Variants in SH3BGRL2 observed in about 807,000 individuals in gnomAD.
SH3BGRL2 encodes SH3 domain-binding glutamic acid-rich-like protein 2.
A neutral mutation model predicts 14.8 loss-of-function variants in SH3BGRL2; 21 were observed. That is an observed-to-expected ratio of 1.42 (90% confidence interval 1.01 to 2.05). The LOEUF (loss-of-function observed/expected upper bound fraction) is 2.05. SH3BGRL2 is among the 30% of genes most tolerant of loss of function. The pLI is 0.00. For missense variants in SH3BGRL2, 147 were observed against 130.8 expected (o/e 1.12, Z -0.61); for synonymous variants, 50 against 47.8 (o/e 1.05, Z -0.19).
At chr6:79,650,502 A>C (rs891315536) in intron 1 of SH3BGRL2, among the ~76,000 whole-genome samples, 2 of 152,216 alleles carry the variant, frequency 1.3e-5, no homozygotes, top group Non-Finnish European at 2.9e-5. Flanking sequence ...AGGTTGTACA[A>C]GAAACATGGC....
At position 79,631,522 on chromosome 6, in the gene SH3BGRL2, G is replaced by GCGGGCAGTAGGTTGGGGT; in HGVS notation, c.45+19_45+36dup. On this transcript the variant is annotated intron_variant, in intron 1 of 3. Coordinates refer to ENST00000369838, the MANE Select transcript of SH3BGRL2 (RefSeq NM_031469.4). Reference sequence around the variant, plus strand: ...CTTCGTGGCGGTGAGCGCGGTGGGGGCGGGCAGTAGGTTGGGGTCGCGGGG... The same window carrying GCGGGCAGTAGGTTGGGGT: ...CTTCGTGGCGGTGAGCGCGGTGGGGGCGGGCAGTAGGTTGGGGTCGGGCAGTAGGTTGGGGTCGCGGGG... 6.9e-7 allele frequency: 1 copy of GCGGGCAGTAGGTTGGGGT among 1,451,024 alleles called. No individual in the cohort carries two copies. The highest frequency in any genetic ancestry group is 9.1e-7 in the Non-Finnish European group (1 of 1,095,204). 89.9% of individuals were successfully genotyped at this position (1,451,024 alleles called of 1,614,324 possible).
rs1770422597 is a variant in SH3BGRL2 at position 79,700,025 on chromosome 6, A to G, written c.*516A>G. ...ATCAGTTACAAACATCACAGTTCCC[A>G]TGCTTTGTAATAACACCTGGTGAAA... On this transcript the variant is annotated 3_prime_UTR_variant, in exon 4 of 4. Transcript: ENST00000369838. 6.5e-6 allele frequency: 1 copy of G among 153,178 alleles called. No homozygotes were observed. The highest frequency in any genetic ancestry group is 2.4e-5 in the African/African-American group (1 of 41,488). The allele number at this position is 153,178 out of a possible 1,614,324, so 9.5% of individuals were successfully genotyped here.
chr6:79,620,375 T>C, the SH3BGRL2 span, among the ~76,000 whole-genome samples: 3 of 152,062 alleles, frequency 2.0e-5, no homozygotes, highest in Non-Finnish European at 2.9e-5. Flanking sequence ...AAGAAAATAG[T>C]GCAATGAGGT....
chr6:79,688,848 AT>A (rs1218155465), intron 2 of SH3BGRL2, among the ~76,000 whole-genome samples: 1 of 152,106 alleles, frequency 6.6e-6, no homozygotes, highest in Non-Finnish European at 1.5e-5. Context: ...TCTCTATCAT[AT>A]CTACTTTTTG....
chr6:79,597,630 C>T, the SH3BGRL2 span, among the ~76,000 whole-genome samples: 2 of 152,168 alleles, frequency 1.3e-5, no homozygotes, highest in Non-Finnish European at 2.9e-5. Context: ...CAAAATAAAT[C>T]TAACCTGAGA....
At chr6:79,547,035 A>G in the SH3BGRL2 span, among the ~76,000 whole-genome samples, 5 of 152,118 alleles carry the variant, frequency 3.3e-5, no homozygotes, top group Non-Finnish European at 7.4e-5. Flanking sequence ...CATTTGAGAC[A>G]GTTCTTGGGA....
At chr6:79,639,080 A>G (rs1768982853) in intron 1 of SH3BGRL2, among the ~76,000 whole-genome samples, 1 of 152,238 alleles carries the variant, frequency 6.6e-6, no homozygotes, top group Non-Finnish European at 1.5e-5. Context: ...TCAGCAGGCA[A>G]CAGGAAGCAG....
chr6:79,631,737 A>G (rs1215932324), intron 1 of SH3BGRL2, among the ~76,000 whole-genome samples: 14 of 152,222 alleles, frequency 9.2e-5, no homozygotes. Flanking sequence ...TGAAAGGCAG[A>G]CAACGCGGCC....
At chr6:79,548,542 T>G in the SH3BGRL2 span, among the ~76,000 whole-genome samples, 1 of 152,220 alleles carries the variant, frequency 6.6e-6, no homozygotes, top group Non-Finnish European at 1.5e-5. Context: ...CGCCAATTTG[T>G]TCAGAGCTGA....
chr6:79,699,745 C>A lies in SH3BGRL2; in HGVS notation c.*236C>A. 1 of 469,738 alleles carries A rather than the reference C, an allele frequency of 2.1e-6. No individual in the cohort carries two copies. Among genetic ancestry groups the A allele is most frequent in the Non-Finnish European group, 3.6e-6 (1 of 277,266 alleles). 29.1% of individuals were successfully genotyped at this position (469,738 alleles called of 1,614,324 possible). The stretch of plus-strand genomic sequence containing the variant: ...ATTCTATTTGCCTGCAGTTGCCTCA[C>A]TCACCTGGAAATACCGTCACCTGTT... On this transcript the variant is annotated 3_prime_UTR_variant, in exon 4 of 4. Transcript: ENST00000369838.
the SH3BGRL2 span, among the ~76,000 whole-genome samples, chr6:79,545,583 A>C: frequency 2.0e-5 from 3 of 152,346 alleles, no homozygotes; most frequent in African/African-American, 7.2e-5. Context: ...ACAGAAAAGA[A>C]ACTAAAAGAT....
intron 1 of SH3BGRL2, among the ~76,000 whole-genome samples, chr6:79,641,951 A>C (rs758228952): frequency 2.6e-5 from 4 of 152,184 alleles, no homozygotes; most frequent in Non-Finnish European, 5.9e-5. Flanking sequence ...TTCACCAAAC[A>C]TACCATTAGT....
the SH3BGRL2 span, among the ~76,000 whole-genome samples, chr6:79,549,769 A>G: frequency 6.6e-6 from 1 of 152,194 alleles, no homozygotes; most frequent in African/African-American, 2.4e-5. Context: ...GATACTGTCT[A>G]AAATTAGTAA....
At chr6:79,668,753 C>T (rs1769713204) in intron 1 of SH3BGRL2, among the ~76,000 whole-genome samples, 2 of 152,130 alleles carry the variant, frequency 1.3e-5, no homozygotes, top group African/African-American at 2.4e-5. Flanking sequence ...TTTTGTTATG[C>T]ACTTGCAACT....
At chr6:79,632,744 C>T (rs1280124801) in intron 1 of SH3BGRL2, among the ~76,000 whole-genome samples, 3 of 152,200 alleles carry the variant, frequency 2.0e-5, no homozygotes, top group Non-Finnish European at 4.4e-5. Context: ...CTGACAGTTT[C>T]TGGTGTTTCT....
chr6:79,544,207 GAAC>G, the SH3BGRL2 span, among the ~76,000 whole-genome samples: 19 of 152,050 alleles, frequency 1.2e-4, no homozygotes, highest in African/African-American at 3.4e-4. Context: ...AAACAAAACA[GAAC>G]AACAACAACA....
At chr6:79,549,981 A>G in the SH3BGRL2 span, among the ~76,000 whole-genome samples, 1 of 152,114 alleles carries the variant, frequency 6.6e-6, no homozygotes, top group Non-Finnish European at 1.5e-5. Flanking sequence ...TTTTAAATGC[A>G]CAGTAAAAGA....
the SH3BGRL2 span, among the ~76,000 whole-genome samples, chr6:79,584,496 A>G: frequency 6.6e-6 from 1 of 152,172 alleles, no homozygotes; most frequent in Admixed American, 6.5e-5. Context: ...TCCATTTGGC[A>G]GTGTCTGAGC....
At chr6:79,579,417 C>G in the SH3BGRL2 span, among the ~76,000 whole-genome samples, 1 of 152,150 alleles carries the variant, frequency 6.6e-6, no homozygotes, top group Non-Finnish European at 1.5e-5. Context: ...GAGTTACCCA[C>G]AAAGGGAAGC....
Sources: gnomAD v4.1 joint callset for allele counts (sites outside exome capture counted in the v4.1 genomes callset) on GRCh38, gnomAD v4.1.1 for gene constraint, MANE v1.5 for transcripts, NCBI Gene and HGNC (gene_info 2026-07-23, HGNC 2026-07-21) for gene names.